Variants in AGBL4 observed in about 807,000 individuals in gnomAD.
AGBL4 encodes the protein AGBL carboxypeptidase 4.
Under a neutral mutation model 66.4 loss-of-function variants are expected in AGBL4, and 58 were observed. The observed-to-expected ratio is 0.87, with a 90% confidence interval of 0.71 to 1.09. The LOEUF is 1.09. AGBL4 is among the 50% of genes least tolerant of loss of function. The probability of loss-of-function intolerance (pLI) is 0.00; values close to 1 mark genes in which losing one functional copy is unlikely to be tolerated. For missense variants in AGBL4, 579 were observed against 631.0 expected, an observed-to-expected ratio of 0.92 and a Z score of 0.88; for synonymous variants, 234 against 222.9, an observed-to-expected ratio of 1.05 and a Z score of -0.44.
intron 4 of AGBL4, among the ~76,000 whole-genome samples, chr1:49,184,978 T>G (rs1364968535): frequency 2.6e-5 from 4 of 152,200 alleles, no homozygotes; most frequent in African/African-American, 7.2e-5. Context: ...TCTGCCAATT[T>G]TAATGTCCCT....
At chr1:49,171,228 G>A (rs1209521691) in intron 4 of AGBL4, among the ~76,000 whole-genome samples, 2 of 152,146 alleles carry the variant, frequency 1.3e-5, no homozygotes, top group Non-Finnish European at 2.9e-5. Context: ...CCAGGCACAA[G>A]GACCCCTTCA....
intron 5 of AGBL4, among the ~76,000 whole-genome samples, chr1:48,983,827 A>G (rs949181440): frequency 6.6e-6 from 1 of 152,178 alleles, no homozygotes; most frequent in African/African-American, 2.4e-5. Context: ...AAGAGAGTTG[A>G]TTGAAAAGAT....
At chr1:49,580,701 T>C (rs1236585761) in intron 3 of AGBL4, among the ~76,000 whole-genome samples, 4 of 152,216 alleles carry the variant, frequency 2.6e-5, no homozygotes, top group African/African-American at 9.6e-5. Context: ...TTCAGTACTT[T>C]GAATACGTCA....
At chr1:49,875,767 C>A (rs1431029905) in intron 1 of AGBL4, among the ~76,000 whole-genome samples, 10 of 116,084 alleles carry the variant, frequency 8.6e-5, no homozygotes, top group African/African-American at 3.4e-4. Context: ...GTTTACAGTC[C>A]CACCAACAGT....
chr1:49,936,617 C>A (rs1654063030), intron 1 of AGBL4, among the ~76,000 whole-genome samples: 1 of 152,156 alleles, frequency 6.6e-6, no homozygotes, highest in Non-Finnish European at 1.5e-5. Flanking sequence ...AAGGGAAGCC[C>A]ATCAGACTAA....
intron 3 of AGBL4, among the ~76,000 whole-genome samples, chr1:49,258,158 A>G (rs987152919): frequency 2.6e-5 from 4 of 152,194 alleles, no homozygotes; most frequent in African/African-American, 7.2e-5. Context: ...CCATCTGTAC[A>G]TCACCATCAC....
At chr1:49,044,065 G>C (rs775445187) in intron 5 of AGBL4, among the ~76,000 whole-genome samples, 3 of 152,192 alleles carry the variant, frequency 2.0e-5, no homozygotes, top group Admixed American at 6.5e-5. Context: ...ACTTTTTGAA[G>C]AGTAAAACAT....
At chr1:49,278,839 T>C (rs1644222723) in intron 3 of AGBL4, among the ~76,000 whole-genome samples, 1 of 152,150 alleles carries the variant, frequency 6.6e-6, no homozygotes, top group Non-Finnish European at 1.5e-5. Context: ...ATTTGCAACA[T>C]CAAATAAGCA....
chr1:49,664,834 A>G (rs1205905946), intron 3 of AGBL4, among the ~76,000 whole-genome samples: 2 of 152,124 alleles, frequency 1.3e-5, no homozygotes, highest in East Asian at 1.9e-4. Flanking sequence ...AGTATTCAGT[A>G]TGTTAGACTA....
At position 49,036,270 on chromosome 1, in the gene AGBL4, T is replaced by C. The variant is rs968018990; in HGVS notation, c.594+9314A>G. Among the ~76,000 whole-genome samples, 4 of 152,064 alleles carry C rather than the reference T, an allele frequency of 2.6e-5. No individual in the cohort carries two copies. In the East Asian group the frequency reaches 7.7e-4, roughly 29 times the overall value. On this transcript the variant is annotated intron_variant, in intron 5 of 13. Transcript: ENST00000371839. ...AGGCCTGCCTGCCCAAAGAAGCTAATGTAAATTCTGACTTCATTTCTAGAG... is the reference window on the plus strand; with the variant it reads ...AGGCCTGCCTGCCCAAAGAAGCTAACGTAAATTCTGACTTCATTTCTAGAG...
intron 11 of AGBL4, among the ~76,000 whole-genome samples, chr1:48,556,685 C>A (rs2148291461): frequency 6.6e-6 from 1 of 152,356 alleles, no homozygotes; most frequent in South Asian, 2.1e-4. Context: ...AGTCTGCCAT[C>A]CTATACTCTC....
At chr1:49,029,750 G>A (rs567630029) in intron 5 of AGBL4, among the ~76,000 whole-genome samples, 2 of 152,284 alleles carry the variant, frequency 1.3e-5, no homozygotes, top group East Asian at 1.9e-4. Context: ...AAAAGTTGGA[G>A]AGCTGACATT....
At chr1:49,261,297 A>C (rs2148362076) in intron 3 of AGBL4, among the ~76,000 whole-genome samples, 1 of 152,218 alleles carries the variant, frequency 6.6e-6, no homozygotes, top group South Asian at 2.1e-4. Context: ...TAGTGTTGGA[A>C]GTTCTGGCCA....
chr1:49,817,633 A>C (rs1002638374), intron 2 of AGBL4, among the ~76,000 whole-genome samples: 1 of 152,204 alleles, frequency 6.6e-6, no homozygotes, highest in African/African-American at 2.4e-5. Context: ...CTGAGAGAGA[A>C]GAAAATATAC....
chr1:48,973,538 G>C (rs1038963065), intron 5 of AGBL4, among the ~76,000 whole-genome samples: 5 of 152,118 alleles, frequency 3.3e-5, no homozygotes, highest in Non-Finnish European at 5.9e-5. Context: ...TCAAGAAATA[G>C]AACAGGGCCT....
intron 2 of AGBL4, among the ~76,000 whole-genome samples, chr1:49,711,138 G>A (rs112091852): frequency 1.7e-3 from 255 of 152,152 alleles, no homozygotes; most frequent in Non-Finnish European, 2.7e-3. Flanking sequence ...AGTTTCATAC[G>A]TTTCCAGTGA....
At chr1:49,748,580 C>T (rs1175693663) in intron 2 of AGBL4, among the ~76,000 whole-genome samples, 5 of 152,132 alleles carry the variant, frequency 3.3e-5, no homozygotes, top group Non-Finnish European at 5.9e-5. Flanking sequence ...CTTGAGGAAT[C>T]GCCACACAGT....
At chr1:48,933,964 C>G (rs191179251) in intron 5 of AGBL4, among the ~76,000 whole-genome samples, 3 of 152,140 alleles carry the variant, frequency 2.0e-5, no homozygotes, top group African/African-American at 4.8e-5. Context: ...TAGCATGAGC[C>G]CTTGCCTCTC....
intron 6 of AGBL4, among the ~76,000 whole-genome samples, chr1:48,706,051 A>G (rs1017138498): frequency 2.6e-5 from 4 of 152,200 alleles, no homozygotes; most frequent in African/African-American, 9.6e-5. Flanking sequence ...TTAAAAAGCA[A>G]AAAAAGAGCA....
Sources: gnomAD v4.1 joint callset for allele counts (sites outside exome capture counted in the v4.1 genomes callset) on GRCh38, gnomAD v4.1.1 for gene constraint, MANE v1.5 for transcripts, NCBI Gene and HGNC (gene_info 2026-07-23, HGNC 2026-07-21) for gene names.